The following GRIN3A variants were observed in gnomAD, a reference collection of about 807,000 sequenced individuals.
GRIN3A encodes glutamate ionotropic receptor NMDA type subunit 3A.
GRIN3A carries 47 observed loss-of-function variants against 92.4 expected under a neutral mutation model. That is an observed-to-expected ratio of 0.51 (90% CI 0.40 to 0.65). The LOEUF (loss-of-function observed/expected upper bound fraction) is 0.65, where lower values mean the gene tolerates loss of function less well. GRIN3A is among the 30% of genes least tolerant of loss of function. The pLI is 0.00. For missense variants in GRIN3A, 1,324 were observed against 1,393.1 expected (o/e 0.95, Z 0.79); for synonymous variants, 527 against 540.6 (o/e 0.97, Z 0.35).
At chr9:101,705,158 C>T (rs1829797663) in intron 1 of GRIN3A, among the ~76,000 whole-genome samples, 4 of 152,118 alleles carry the variant, frequency 2.6e-5, no homozygotes, top group African/African-American at 9.7e-5. Context: ...ACCACTCTAG[C>T]CTACCATGCC....
At chr9:101,606,906 ATT>A (rs536780165) in intron 6 of GRIN3A, among the ~76,000 whole-genome samples, 6 of 86,202 alleles carry the variant, frequency 7.0e-5, no homozygotes, top group South Asian at 4.6e-4. Context: ...AAAAAATTAC[ATT>A]TTTTTTTTTT....
At chr9:101,617,169 C>A (rs1285786429) in intron 5 of GRIN3A, among the ~76,000 whole-genome samples, 2 of 141,848 alleles carry the variant, frequency 1.4e-5, no homozygotes. Flanking sequence ...CACTGCAGTC[C>A]GCAGTCCGGC....
chr9:101,673,632 A>G (rs1307925530), intron 2 of GRIN3A, among the ~76,000 whole-genome samples: 2 of 152,156 alleles, frequency 1.3e-5, no homozygotes, highest in Non-Finnish European at 2.9e-5. Flanking sequence ...TAGTTAAAAT[A>G]TCAAAAGGCT....
rs569559919 is a variant in GRIN3A at position 101,594,624 on chromosome 9, C to T, written c.2767-15264G>A. The T allele has an allele frequency of 1.7e-5, 28 of 1,614,182 alleles. No individual in the cohort carries two copies. In the African/African-American group the frequency reaches 3.1e-4, roughly 18 times the overall value. On this transcript the variant is annotated intron_variant, in intron 6 of 8. Transcript: ENST00000361820. ...GAAATGTAGCCATCTTTATCCATGTCGTAAATGCTGAACGCAAACCTCAAC... is the reference window on the plus strand; with the variant it reads ...GAAATGTAGCCATCTTTATCCATGTTGTAAATGCTGAACGCAAACCTCAAC...
At chr9:101,596,840 A>C (rs879898835) in intron 6 of GRIN3A, among the ~76,000 whole-genome samples, 1 of 152,224 alleles carries the variant, frequency 6.6e-6, no homozygotes, top group Non-Finnish European at 1.5e-5. Flanking sequence ...TGAGGATCCC[A>C]CTGGGTTTAA....
In GRIN3A at chr9:101,737,392, C is replaced by G; in HGVS notation, c.588G>C (p.Leu196=). The G allele has an allele frequency of 6.2e-7, 1 of 1,614,252 alleles. No individual in the cohort carries two copies. The stretch of plus-strand genomic sequence containing the variant: ...CGCCCTGGCTCTGGGGGAAGGCGAG[C>G]AGCGCCGACACCCCTTGCACCACCA... ...HTVVVQGVSA[L]LAFPQSQGEM... Residue 196 remains leucine, a synonymous_variant, in exon 1 of 9, where the codon CTG becomes CTC. Transcript: ENST00000361820.
chr9:101,573,773 A>ATTTTTTTTTTTTTTTTTT (rs5899448), intron 8 of GRIN3A, among the ~76,000 whole-genome samples: 1 of 92,602 alleles, frequency 1.1e-5, no homozygotes, highest in Non-Finnish European at 2.1e-5. Context: ...GGTATGGTGC[A>ATTTTTTTTTTTTTTTTTT]TTTTTTTTTT....
chr9:101,683,104 G>A lies in GRIN3A; in HGVS notation c.1304+3492C>T, dbSNP rs186250882. 2.6e-5 allele frequency among the ~76,000 whole-genome samples: 4 copies of A among 152,314 alleles called. No homozygotes were observed. The East Asian group carries it at 7.7e-4, about 29-fold the overall frequency. ...TTAGTTATTATGGACATTTGCTCTG[G>A]CATGTGGGGACCTAGGAAGAATAAA... On this transcript the variant is annotated intron_variant, in intron 2 of 8. Transcript: ENST00000361820.
intron 1 of GRIN3A, among the ~76,000 whole-genome samples, chr9:101,723,530 G>A (rs912952001): frequency 6.6e-6 from 1 of 152,122 alleles, no homozygotes; most frequent in Non-Finnish European, 1.5e-5. Flanking sequence ...AAAGGGACCC[G>A]AGCCAGTTGC....
In GRIN3A at chr9:101,686,651, T is replaced by G. The variant is rs879193510; in HGVS notation, c.1249A>C (p.Met417Leu). The change falls in exon 2 of 9, where the codon ATG becomes CTG. Residue 417 changes from methionine (M) to leucine (L), a missense_variant. Met to Leu is a conservative substitution (Grantham distance 15, BLOSUM62 2). Transcript: ENST00000361820. ...GTAGTTTCCACCTCCATGCAGTTCATCGTGCTGGGAATGAGAGCAAGTTCT... is the reference window on the plus strand; with the variant it reads ...GTAGTTTCCACCTCCATGCAGTTCAGCGTGCTGGGAATGAGAGCAAGTTCT... Reference protein sequence around the residue: ...QPELALIPSTMNCMEVETTNL... With the variant: ...QPELALIPSTLNCMEVETTNL... 6.2e-7 allele frequency: 1 copy of G among 1,614,170 alleles called. No individual in the cohort carries two copies. The highest frequency in any genetic ancestry group is 1.6e-4 in the Middle Eastern group (1 of 6,062).
chr9:101,719,263 G>A (rs115712547), intron 1 of GRIN3A, among the ~76,000 whole-genome samples: 5,590 of 151,980 alleles, frequency 0.037, 109 homozygotes, highest in African/African-American at 0.052. Context: ...ATAAAAATAC[G>A]ACAAAATTCG....
rs757801302 is a variant in GRIN3A, at chr9:101,670,014, A to G, written c.2352+46T>C. 3 of 1,351,226 alleles carry G rather than the reference A, an allele frequency of 2.2e-6. No homozygotes were observed. In the Admixed American group the frequency reaches 5.0e-5, roughly 23 times the overall value. The allele number at this position is 1,351,226 out of a possible 1,614,324, so 83.7% of individuals were successfully genotyped here. ...CTACAGCAGAAGATACAACATACGG[A>G]ATTATAATGGACAATCAAGAAAGCT... On this transcript the variant is annotated intron_variant, in intron 3 of 8. Transcript: ENST00000361820.
In GRIN3A at chr9:101,574,724, T is replaced by G. The variant is rs149346912; in HGVS notation, c.3009-1211A>C. On this transcript the variant is annotated intron_variant, in intron 8 of 8. Transcript: ENST00000361820. ...TTCAGTTAGGAGTGTTCTCACAACTTGTTTTGGGCAACAGAAAGTGGCAGA... is the reference window on the plus strand; with the variant it reads ...TTCAGTTAGGAGTGTTCTCACAACTGGTTTTGGGCAACAGAAAGTGGCAGA... Among the ~76,000 whole-genome samples the G allele has an allele frequency of 5.4e-3, 820 of 152,294 alleles. 10 individuals are homozygous for G. Among genetic ancestry groups the G allele is most frequent in the African/African-American group, 0.019 (772 of 41,546 alleles).
chr9:101,708,549 G>T (rs774449907), intron 1 of GRIN3A, among the ~76,000 whole-genome samples: 51 of 152,252 alleles, frequency 3.3e-4, no homozygotes, highest in Middle Eastern at 3.4e-3. Flanking sequence ...TATTAATGTG[G>T]TCTAGGAAAT....
chr9:101,722,720 T>C (rs1313591764), intron 1 of GRIN3A, among the ~76,000 whole-genome samples: 1 of 152,206 alleles, frequency 6.6e-6, no homozygotes, highest in Non-Finnish European at 1.5e-5. Context: ...ATAGGCCCTG[T>C]AACCCCTTTG....
chr9:101,685,149 C>G (rs1382052898), intron 2 of GRIN3A, among the ~76,000 whole-genome samples: 1 of 152,090 alleles, frequency 6.6e-6, no homozygotes. Context: ...TAACAACATT[C>G]TTTAAGGAGT....
intron 1 of GRIN3A, among the ~76,000 whole-genome samples, chr9:101,688,255 C>T (rs10989592): frequency 0.18 from 27,006 of 152,076 alleles, 2,991 homozygotes; most frequent in Non-Finnish European, 0.25. Flanking sequence ...AAATGTGTAA[C>T]AGGAAATAGA....
chr9:101,717,360 T>C (rs1160627027), intron 1 of GRIN3A, among the ~76,000 whole-genome samples: 1 of 152,206 alleles, frequency 6.6e-6, no homozygotes, highest in East Asian at 1.9e-4. Flanking sequence ...TTTGTTTGCT[T>C]TTTAAATAGA....
intron 1 of GRIN3A, 121 bp downstream of exon 1, chr9:101,737,160 T>C (rs992976119): frequency 1.3e-6 from 1 of 786,530 alleles, no homozygotes; most frequent in Non-Finnish European, 2.2e-6. Flanking sequence ...CGTTAAGCAA[T>C]ATCAAAGTTA....
Sources: allele counts gnomAD v4.1 joint callset (sites outside exome capture counted in the v4.1 genomes callset), GRCh38; gene constraint gnomAD v4.1.1; transcripts MANE v1.5; gene names NCBI Gene and HGNC (gene_info 2026-07-23, HGNC 2026-07-21).